The following SNX29 variants were observed in gnomAD, a reference collection of about 807,000 sequenced individuals.
SNX29 encodes the protein sorting nexin-29.
Under a neutral mutation model 102.1 loss-of-function variants are expected in SNX29, and 78 were observed. The ratio of observed to expected loss-of-function variants is 0.76; its 90% CI spans 0.64 to 0.92. SNX29 has a LOEUF of 0.92. Among genes scored for constraint, SNX29 ranks in the 40% least tolerant of loss-of-function variants. The probability of loss-of-function intolerance (pLI) is 0.00; values close to 1 mark genes in which losing one functional copy is unlikely to be tolerated. For synonymous variants in SNX29, 580 were observed against 414.5 expected (o/e 1.40, Z -4.85); for missense variants, 1,280 against 1,061.7 (o/e 1.21, Z -2.86).
At chr16:12,331,887 G>A (rs1007152839) in intron 15 of SNX29, among the ~76,000 whole-genome samples, 5 of 152,050 alleles carry the variant, frequency 3.3e-5, no homozygotes, top group African/African-American at 1.2e-4. Flanking sequence ...ATTTGGCCAA[G>A]CACAGTGAAT....
intron 1 of SNX29, among the ~76,000 whole-genome samples, chr16:11,998,868 C>A (rs147535913): frequency 6.6e-6 from 1 of 152,174 alleles, no homozygotes; most frequent in African/African-American, 2.4e-5. Context: ...GTGAGCAGTT[C>A]CTGCTGTACT....
chr16:12,562,824 T>A (rs75305241), intron 20 of SNX29, among the ~76,000 whole-genome samples: 1 of 152,136 alleles, frequency 6.6e-6, no homozygotes, highest in Non-Finnish European at 1.5e-5. Context: ...CCCCCAAATT[T>A]CCTAGCATTC....
At chr16:12,044,316 C>T (rs184229795) in intron 5 of SNX29, among the ~76,000 whole-genome samples, 35 of 152,282 alleles carry the variant, frequency 2.3e-4, no homozygotes, top group African/African-American at 7.9e-4. Context: ...CTGCTGTGGT[C>T]ACCTCTCTAC....
Position 12,277,966 on chromosome 16 carries a change from C to A in SNX29, c.1712C>A (p.Thr571Lys), listed in dbSNP as rs1567389108. The A allele has an allele frequency of 6.2e-7, 1 of 1,609,442 alleles. No individual in the cohort carries two copies. Among genetic ancestry groups the A allele is most frequent in the East Asian group, 2.2e-5 (1 of 44,812 alleles). Reference sequence around the variant, plus strand: ...CTTTGGAGTGTTGATGGAGAAGTTACAGTAGCTGAACAGAAGCCGGGAGAA... The same window carrying A: ...CTTTGGAGTGTTGATGGAGAAGTTAAAGTAGCTGAACAGAAGCCGGGAGAA... Reference protein sequence around the residue: ...PNLWSVDGEVTVAEQKPGEIA... With the variant: ...PNLWSVDGEVKVAEQKPGEIA... Residue 571 changes from threonine to lysine, a missense_variant, in exon 15 of 21, where the codon ACA becomes AAA. Coordinates refer to ENST00000566228, the MANE Select transcript of SNX29 (RefSeq NM_032167.5).
chr16:12,142,045 C>T (rs1483362652), intron 13 of SNX29, among the ~76,000 whole-genome samples: 1 of 152,212 alleles, frequency 6.6e-6, no homozygotes, highest in Non-Finnish European at 1.5e-5. Flanking sequence ...CCCACGGCCC[C>T]CAGTGAGAAT....
chr16:12,267,717 C>G (rs183043337), intron 14 of SNX29, among the ~76,000 whole-genome samples: 1 of 152,168 alleles, frequency 6.6e-6, no homozygotes, highest in African/African-American at 2.4e-5. Flanking sequence ...CGCAATGGAA[C>G]GGCAAGTTAT....
intron 20 of SNX29, among the ~76,000 whole-genome samples, chr16:12,567,758 C>T (rs184765420): frequency 3.3e-5 from 5 of 152,130 alleles, no homozygotes; most frequent in African/African-American, 9.7e-5. Flanking sequence ...TCGAGACTGT[C>T]TCCAGAAAAT....
intron 20 of SNX29, chr16:12,527,372 A>G: frequency 2.0e-6 from 1 of 505,892 alleles, no homozygotes; most frequent in South Asian, 1.6e-5. Flanking sequence ...AATAAAAAAT[A>G]AAAATCTCCT....
At chr16:12,031,973 T>C (rs1274040766) in intron 4 of SNX29, among the ~76,000 whole-genome samples, 1 of 152,176 alleles carries the variant, frequency 6.6e-6, no homozygotes. Flanking sequence ...TTTCCATTTT[T>C]ACAAACCAAA....
In SNX29 at chr16:12,129,715, G is replaced by C. The variant is rs750667727; in HGVS notation, c.1552G>C (p.Glu518Gln). The C allele has an allele frequency of 6.2e-6, 10 of 1,610,414 alleles. No homozygotes were observed. Among genetic ancestry groups the C allele is most frequent in the Non-Finnish European group, 8.5e-6 (10 of 1,179,304 alleles). The change falls in exon 13 of 21, where the codon GAA (glutamate) becomes CAA (glutamine). Residue 518 changes from glutamate (E) to glutamine (Q), a missense_variant. Physicochemically the swap from Glu to Gln is conservative, Grantham distance 29. Coordinates refer to ENST00000566228, the MANE Select transcript of SNX29 (RefSeq NM_032167.5). ...GGACACCTTGAAAAGGAAGGTGGCT[G>C]AACAGGAGGAGCGGCAGGGCATGAA... is the stretch of plus-strand genomic sequence containing the variant. ...EVDTLKRKVAEQEERQGMKVQ... is the reference protein window; with the variant it reads ...EVDTLKRKVAQQEERQGMKVQ...
At chr16:12,508,037 G>A (rs1180917880) in intron 19 of SNX29, among the ~76,000 whole-genome samples, 3 of 152,344 alleles carry the variant, frequency 2.0e-5, no homozygotes, top group East Asian at 1.9e-4. Flanking sequence ...GCTAGTTAAC[G>A]TGGCCAAGGG....
intron 20 of SNX29, among the ~76,000 whole-genome samples, chr16:12,529,248 C>G (rs2076867957): frequency 6.6e-6 from 1 of 152,202 alleles, no homozygotes; most frequent in African/African-American, 2.4e-5. Flanking sequence ...AGAGTCTACT[C>G]CCCAAGACAA....
chr16:12,561,772 CAT>C lies in SNX29; in HGVS notation c.2319-6733_2319-6732del, dbSNP rs71721296. Among the ~76,000 whole-genome samples the C allele has an allele frequency of 6.2e-3, 940 of 152,278 alleles. 8 individuals are homozygous for C. The highest frequency in any genetic ancestry group is 0.022 in the African/African-American group (903 of 41,552). On this transcript the variant is annotated intron_variant, in intron 20 of 20. Coordinates refer to ENST00000566228, the MANE Select transcript of SNX29 (RefSeq NM_032167.5). ...AGTTTCTGAAATGAACACCAAAGCACATGTCAGGACCACGCGTGGCCTGGCAG... is the reference window on the plus strand; with the variant it reads ...AGTTTCTGAAATGAACACCAAAGCACGTCAGGACCACGCGTGGCCTGGCAG...
chr16:12,005,402 C>G (rs906924668), intron 3 of SNX29, among the ~76,000 whole-genome samples: 1 of 152,018 alleles, frequency 6.6e-6, no homozygotes, highest in South Asian at 2.1e-4. Context: ...TGCCTGAAGC[C>G]GAGGAGCTTG....
chr16:12,332,813 T>C (rs1206989131), intron 15 of SNX29, among the ~76,000 whole-genome samples: 1 of 152,082 alleles, frequency 6.6e-6, no homozygotes, highest in African/African-American at 2.4e-5. Context: ...TCCTGTCTGC[T>C]CCTCTTTCAT....
At chr16:12,377,570 C>T (rs1025503218) in intron 16 of SNX29, among the ~76,000 whole-genome samples, 39 of 152,204 alleles carry the variant, frequency 2.6e-4, no homozygotes, top group Non-Finnish European at 5.7e-4. Context: ...GTCTTGATCA[C>T]TCAACGGGTA....
intron 15 of SNX29, among the ~76,000 whole-genome samples, chr16:12,307,330 G>GA (rs1191125795): frequency 6.6e-6 from 1 of 152,202 alleles, no homozygotes; most frequent in Non-Finnish European, 1.5e-5. Context: ...GATAGATGGT[G>GA]AGTGCGGTTG....
At chr16:12,526,659 G>C in intron 20 of SNX29, 1 of 523,370 alleles carries the variant, frequency 1.9e-6, no homozygotes, top group Non-Finnish European at 3.7e-6. Context: ...AGCCTCTCGC[G>C]GAGTCATCAC....
At chr16:12,316,114 G>A (rs1012383348) in intron 15 of SNX29, among the ~76,000 whole-genome samples, 1 of 152,194 alleles carries the variant, frequency 6.6e-6, no homozygotes, top group Admixed American at 6.5e-5. Flanking sequence ...GATCTAGGAG[G>A]GGAGCATCCC....
Sources: allele counts gnomAD v4.1 joint callset (sites outside exome capture counted in the v4.1 genomes callset), GRCh38; gene constraint gnomAD v4.1.1; transcripts MANE v1.5; gene names NCBI Gene and HGNC (gene_info 2026-07-23, HGNC 2026-07-21).